The following AGBL1 variants were observed in gnomAD, a reference collection of about 807,000 sequenced individuals.
The protein encoded by AGBL1 is cytosolic carboxypeptidase 4.
Under a neutral mutation model 118.9 loss-of-function variants are expected in AGBL1, and 130 were observed. That is an observed-to-expected ratio of 1.09 (90% CI 0.95 to 1.26). AGBL1 has a LOEUF of 1.26. AGBL1 is among the 50% of genes most tolerant of loss of function. AGBL1 has a pLI of 0.00. For synonymous variants in AGBL1, 555 were observed against 478.9 expected (o/e 1.16, Z -2.08); for missense variants, 1,584 against 1,298.1 (o/e 1.22, Z -3.38).
chr15:86,549,773 C>T (rs1320851588), intron 20 of AGBL1, among the ~76,000 whole-genome samples: 1 of 149,526 alleles, frequency 6.7e-6, no homozygotes, highest in East Asian at 2.0e-4. Context: ...ATATGATGAC[C>T]ATTACTCAAT....
intron 22 of AGBL1, among the ~76,000 whole-genome samples, chr15:86,827,893 T>G (rs1265225952): frequency 2.1e-5 from 3 of 145,486 alleles, no homozygotes; most frequent in African/African-American, 7.6e-5. Context: ...CTGGGTGTGT[T>G]ATTTTTACAT....
chr15:86,746,639 C>T (rs914767922), intron 22 of AGBL1, among the ~76,000 whole-genome samples: 1 of 151,948 alleles, frequency 6.6e-6, no homozygotes, highest in Non-Finnish European at 1.5e-5. Flanking sequence ...AAAATAGGTA[C>T]CAAACAAATA....
intron 21 of AGBL1, among the ~76,000 whole-genome samples, chr15:86,658,760 A>C (rs886383814): frequency 6.6e-6 from 1 of 152,194 alleles, no homozygotes; most frequent in Non-Finnish European, 1.5e-5. Context: ...CCATAACCCC[A>C]TTAATAATTT....
At chr15:86,397,689 C>A (rs543697551) in intron 18 of AGBL1, 143 bp downstream of exon 18, 2 of 767,958 alleles carry the variant, frequency 2.6e-6, no homozygotes, top group African/African-American at 1.7e-5. Context: ...CTACAAATAA[C>A]AACATACTTT....
intron 21 of AGBL1, among the ~76,000 whole-genome samples, chr15:86,565,134 C>T (rs1312441790): frequency 6.6e-6 from 1 of 152,238 alleles, no homozygotes; most frequent in Non-Finnish European, 1.5e-5. Context: ...CTCAAATCGT[C>T]AAAGTCATTC....
At chr15:86,293,909 T>C (rs2079589768) in intron 16 of AGBL1, among the ~76,000 whole-genome samples, 1 of 152,104 alleles carries the variant, frequency 6.6e-6, no homozygotes, top group Non-Finnish European at 1.5e-5. Context: ...TGGAAAAAAC[T>C]TTCTACATTT....
At chr15:86,460,417 G>A (rs1400083847) in intron 18 of AGBL1, among the ~76,000 whole-genome samples, 1 of 150,280 alleles carries the variant, frequency 6.7e-6, no homozygotes, top group African/African-American at 2.5e-5. Flanking sequence ...GATTCCTTGA[G>A]CCCAGGAATT....
At chr15:86,672,497 GC>G (rs2085764210) in intron 21 of AGBL1, among the ~76,000 whole-genome samples, 1 of 152,130 alleles carries the variant, frequency 6.6e-6, no homozygotes, top group African/African-American at 2.4e-5. Flanking sequence ...AAATGTGTAT[GC>G]GAGTGCTCCT....
At chr15:86,688,674 C>G (rs573444050) in intron 22 of AGBL1, among the ~76,000 whole-genome samples, 2 of 152,196 alleles carry the variant, frequency 1.3e-5, no homozygotes, top group Admixed American at 1.3e-4. Flanking sequence ...GTGAAATGTT[C>G]AAACAAACCT....
chr15:86,980,512 A>G (rs1024960214), intron 23 of AGBL1, among the ~76,000 whole-genome samples: 3 of 152,162 alleles, frequency 2.0e-5, no homozygotes, highest in Admixed American at 6.6e-5. Flanking sequence ...TCCTCTGTCA[A>G]TGATACTTAA....
At chr15:86,472,109 G>C (rs1417273642) in intron 18 of AGBL1, among the ~76,000 whole-genome samples, 2 of 152,172 alleles carry the variant, frequency 1.3e-5, no homozygotes, top group African/African-American at 2.4e-5. Context: ...CTCCCCTAGA[G>C]AGTTTGGAAG....
At position 86,669,194 on chromosome 15, in the gene AGBL1, C is replaced by T. The variant is rs187634501; in HGVS notation, c.2995-5079C>T. On this transcript the variant is annotated intron_variant, in intron 21 of 22. Transcript: ENST00000614907. Reference sequence around the variant, plus strand: ...TCAACAGAAAAATCAAACTACTGTACGATGCCCAGAAACACTGCATATGCA... The same window carrying T: ...TCAACAGAAAAATCAAACTACTGTATGATGCCCAGAAACACTGCATATGCA... Among the ~76,000 whole-genome samples the T allele has an allele frequency of 4.5e-3, 685 of 152,134 alleles. 4 individuals are homozygous for T. The highest frequency in any genetic ancestry group is 0.01 in the Middle Eastern group (3 of 294).
At chr15:86,679,683 C>T (rs1425619419) in intron 22 of AGBL1, among the ~76,000 whole-genome samples, 1 of 151,944 alleles carries the variant, frequency 6.6e-6, no homozygotes, top group Non-Finnish European at 1.5e-5. Flanking sequence ...TGAAATGGCT[C>T]TTGGTTTGAT....
chr15:86,825,089 A>G (rs2078988820), intron 22 of AGBL1, among the ~76,000 whole-genome samples: 1 of 151,918 alleles, frequency 6.6e-6, no homozygotes, highest in Non-Finnish European at 1.5e-5. Context: ...ACAAAAAACA[A>G]ACAGAAAAAC....
intron 24 of AGBL1, among the ~76,000 whole-genome samples, chr15:86,996,288 A>T (rs2081379604): frequency 6.6e-6 from 1 of 152,154 alleles, no homozygotes; most frequent in Non-Finnish European, 1.5e-5. Context: ...CTTCCCAGGA[A>T]TTCCAGAAAC....
At chr15:86,091,380 C>G (rs1896013924) in intron 1 of AGBL1, among the ~76,000 whole-genome samples, 1 of 152,160 alleles carries the variant, frequency 6.6e-6, no homozygotes, top group African/African-American at 2.4e-5. Context: ...TCTTTGACCT[C>G]TCTATTCTGT....
intron 22 of AGBL1, among the ~76,000 whole-genome samples, chr15:86,746,911 C>T (rs918631205): frequency 1.3e-5 from 2 of 151,990 alleles, no homozygotes; most frequent in African/African-American, 2.4e-5. Context: ...GTGACCTAAA[C>T]TTTTTCAATC....
chr15:86,354,582 G>A (rs1183482171), intron 17 of AGBL1, among the ~76,000 whole-genome samples: 1 of 152,198 alleles, frequency 6.6e-6, no homozygotes, highest in African/African-American at 2.4e-5. Flanking sequence ...TTAGCATGAT[G>A]TGCATAGATC....
intron 1 of AGBL1, among the ~76,000 whole-genome samples, chr15:86,099,386 C>T (rs1021473020): frequency 4.6e-5 from 7 of 151,880 alleles, no homozygotes; most frequent in East Asian, 3.9e-4. Context: ...AAAATGCTAC[C>T]GATTTTTTGT....
Sources: allele counts gnomAD v4.1 joint callset (sites outside exome capture counted in the v4.1 genomes callset), GRCh38; gene constraint gnomAD v4.1.1; transcripts MANE v1.5; gene names NCBI Gene and HGNC (gene_info 2026-07-23, HGNC 2026-07-21).